Variants in IL1RAPL2 observed in about 807,000 individuals in gnomAD.
IL1RAPL2 encodes X-linked interleukin-1 receptor accessory protein-like 2.
IL1RAPL2 carries 3 observed loss-of-function variants against 44.1 expected under a neutral mutation model. That is an observed-to-expected ratio of 0.07 (90% CI 0.03 to 0.18). IL1RAPL2 has a LOEUF of 0.18. Ranked by LOEUF, IL1RAPL2 falls within the 10% of genes least tolerant of loss-of-function variation. The probability of loss-of-function intolerance (pLI) is 1.00; values close to 1 mark genes in which losing one functional copy is unlikely to be tolerated. For missense variants in IL1RAPL2, 391 were observed against 496.4 expected (o/e 0.79, Z 2.02); for synonymous variants, 181 against 178.8 (o/e 1.01, Z -0.10).
intron 2 of IL1RAPL2, among the ~76,000 whole-genome samples, chrX:105,036,616 T>C (rs1395490490): frequency 8.9e-6 from 1 of 112,256 alleles, no homozygotes; most frequent in Admixed American, 9.5e-5. Context: ...CACATAAGGT[T>C]TTTAGAGAAG....
rs186720865 is a variant in IL1RAPL2, at chrX:105,507,571, T to A, written c.772+23184T>A. 5.6e-4 allele frequency among the ~76,000 whole-genome samples: 62 copies of A among 111,414 alleles called. 1 individual carries two copies. Among genetic ancestry groups the A allele is most frequent in the African/African-American group, 2.0e-3 (61 of 30,740 alleles). ...AATATAATGGCTAAAGTTGTACTATTTTTTTTACTTCATTTTGAGAAGGAA... is the reference window on the plus strand; with the variant it reads ...AATATAATGGCTAAAGTTGTACTATATTTTTTACTTCATTTTGAGAAGGAA... On this transcript the variant is annotated intron_variant, in intron 6 of 10. Transcript: ENST00000372582.
intron 1 of IL1RAPL2, among the ~76,000 whole-genome samples, chrX:104,582,494 TTCTC>T (rs199968264): frequency 0.015 from 1,643 of 108,563 alleles, 13 homozygotes; most frequent in East Asian, 0.06. Context: ...GCTTTTTCTT[TTCTC>T]TCTCTCTCTC....
chrX:104,974,216 T>C, intron 2 of IL1RAPL2, among the ~76,000 whole-genome samples: 1 of 112,122 alleles, frequency 8.9e-6, no homozygotes, highest in East Asian at 2.8e-4. Context: ...AATAGCTATG[T>C]TTAGACCACC....
intron 5 of IL1RAPL2, among the ~76,000 whole-genome samples, chrX:105,378,754 T>C (rs748722284): frequency 8.0e-5 from 9 of 112,195 alleles, no homozygotes; most frequent in Non-Finnish European, 1.5e-4. Context: ...TTCTATTCTC[T>C]GTAACATGTT....
At chrX:104,724,769 T>G (rs1426900476) in intron 2 of IL1RAPL2, among the ~76,000 whole-genome samples, 2 of 111,700 alleles carry the variant, frequency 1.8e-5, no homozygotes, top group Non-Finnish European at 3.8e-5. Context: ...CAACACCATT[T>G]ATTGAATAGG....
At chrX:105,733,335 A>G (rs759165391) in intron 7 of IL1RAPL2, among the ~76,000 whole-genome samples, 10 of 111,162 alleles carry the variant, frequency 9.0e-5, no homozygotes, top group Non-Finnish European at 1.3e-4. Context: ...AGAAAATGAT[A>G]TGCCTAGGTG....
chrX:104,693,431 T>A (rs1466232816), intron 2 of IL1RAPL2, among the ~76,000 whole-genome samples: 1 of 111,834 alleles, frequency 8.9e-6, no homozygotes, highest in African/African-American at 3.2e-5. Context: ...CTGTAGAGGA[T>A]CTTAAATGCA....
intron 2 of IL1RAPL2, among the ~76,000 whole-genome samples, chrX:105,103,043 C>T (rs1407830207): frequency 9.0e-6 from 1 of 111,476 alleles, no homozygotes; most frequent in Non-Finnish European, 1.9e-5. Context: ...AGTTTGCCAC[C>T]TTTTCAATAT....
chrX:104,574,269 CAT>C (rs1303122712), intron 1 of IL1RAPL2, among the ~76,000 whole-genome samples: 1 of 111,132 alleles, frequency 9.0e-6, no homozygotes, highest in Non-Finnish European at 1.9e-5. Context: ...AGAACTTCCA[CAT>C]ATTAATTACA....
chrX:105,050,564 A>T (rs2031905665), intron 2 of IL1RAPL2, among the ~76,000 whole-genome samples: 1 of 111,756 alleles, frequency 8.9e-6, no homozygotes, highest in Admixed American at 9.5e-5. Context: ...TGTTTACTGG[A>T]CATAGATGTT....
intron 2 of IL1RAPL2, among the ~76,000 whole-genome samples, chrX:105,010,793 C>T (rs776106288): frequency 2.7e-5 from 3 of 111,226 alleles, no homozygotes; most frequent in Admixed American, 9.6e-5. Context: ...TTAGAATTAA[C>T]AAAGTTTTAT....
chrX:105,734,192 C>T (rs1198903389), intron 7 of IL1RAPL2, among the ~76,000 whole-genome samples: 1 of 109,978 alleles, frequency 9.1e-6, no homozygotes, highest in Non-Finnish European at 1.9e-5. Context: ...TGTTGTGGAA[C>T]ATATTTCAAA....
chrX:105,252,570 A>G (rs1261071068), intron 4 of IL1RAPL2, among the ~76,000 whole-genome samples: 2 of 111,949 alleles, frequency 1.8e-5, no homozygotes, highest in Non-Finnish European at 3.8e-5. Flanking sequence ...TCCCAGGGAT[A>G]CAAACAGTTC....
At position 105,585,830 on chromosome X, in the gene IL1RAPL2, C is replaced by A. The variant is rs757709317; in HGVS notation, c.772+101443C>A. Among the ~76,000 whole-genome samples the A allele has an allele frequency of 5.4e-3, 608 of 112,092 alleles. 2 individuals are homozygous for A. The highest frequency in any genetic ancestry group is 9.2e-3 in the Non-Finnish European group (492 of 53,272). ...TGAATAGTGCTGCAATGAACATATG[C>A]ATGTGTGTATCTTTATAATAGTATG... On this transcript the variant is annotated intron_variant, in intron 6 of 10. Coordinates refer to ENST00000372582, the MANE Select transcript of IL1RAPL2 (RefSeq NM_017416.2).
chrX:105,697,160 C>T, intron 6 of IL1RAPL2, among the ~76,000 whole-genome samples: 1 of 110,471 alleles, frequency 9.1e-6, no homozygotes, highest in East Asian at 2.9e-4. Context: ...CCAAGCCCTT[C>T]ATAAGGGTTC....
chrX:105,453,606 C>T (rs1033424034), intron 5 of IL1RAPL2, among the ~76,000 whole-genome samples: 4 of 111,884 alleles, frequency 3.6e-5, no homozygotes, highest in African/African-American at 1.3e-4. Flanking sequence ...GACTGGTAAA[C>T]ATTCAATCCA....
intron 6 of IL1RAPL2, among the ~76,000 whole-genome samples, chrX:105,640,654 GTATATATATATATATATATATATATATA>G (rs768814568): frequency 1.7e-5 from 1 of 59,488 alleles, no homozygotes. Flanking sequence ...GTATGTGTGT[GTATATATATATATATATATATATATATA>G]TATATATATA....
Position 105,039,474 on chromosome X carries a change from A to T in IL1RAPL2, c.83-156001A>T, listed in dbSNP as rs188465012. The stretch of plus-strand genomic sequence containing the variant: ...GGGATGACAGTTCCTATGCTTCTCA[A>T]CATACCTATAAATAGGTTCTGGGTC... On this transcript the variant is annotated intron_variant, in intron 2 of 10. Transcript: ENST00000372582. Among the ~76,000 whole-genome samples, 143 of 111,936 alleles carry T rather than the reference A, an allele frequency of 1.3e-3. 2 individuals carry two copies. Among genetic ancestry groups the T allele is most frequent in the Non-Finnish European group, 1.8e-3 (95 of 53,101 alleles).
chrX:104,610,532 C>T (rs1482303396), intron 1 of IL1RAPL2, among the ~76,000 whole-genome samples: 1 of 111,874 alleles, frequency 8.9e-6, no homozygotes, highest in East Asian at 2.8e-4. Context: ...TTCACAATTG[C>T]TTCAAAGAGA....
Sources: allele counts gnomAD v4.1 joint callset (sites outside exome capture counted in the v4.1 genomes callset), GRCh38; gene constraint gnomAD v4.1.1; transcripts MANE v1.5; gene names NCBI Gene and HGNC (gene_info 2026-07-23, HGNC 2026-07-21).